Variants in LCORL observed in about 807,000 individuals in gnomAD.
The protein encoded by LCORL is ligand dependent nuclear receptor corepressor like.
In LCORL, 41 loss-of-function variants were observed where a neutral mutation model predicts 141.8. The ratio of observed to expected loss-of-function variants is 0.29; its 90% CI spans 0.23 to 0.38. The LOEUF is 0.38. Ranked by LOEUF, LCORL falls within the 10% of genes least tolerant of loss-of-function variation. LCORL has a pLI of 1.00. For missense variants in LCORL, 1,759 were observed against 2,035.0 expected, an observed-to-expected ratio of 0.86 and a Z score of 2.61; for synonymous variants, 618 against 694.1, an observed-to-expected ratio of 0.89 and a Z score of 1.72.
intron 4 of LCORL, among the ~76,000 whole-genome samples, chr4:17,949,140 T>A (rs569828638): frequency 2.0e-5 from 3 of 152,162 alleles, no homozygotes; most frequent in South Asian, 2.1e-4. Flanking sequence ...CTGACAACTC[T>A]AGAATCTTAT....
At chr4:17,901,085 T>C (rs1438151090) in intron 5 of LCORL, among the ~76,000 whole-genome samples, 1 of 152,110 alleles carries the variant, frequency 6.6e-6, no homozygotes, top group African/African-American at 2.4e-5. Flanking sequence ...AAAAATGTAA[T>C]TGCTACTTGG....
At chr4:17,926,216 C>A (rs1735117672) in intron 4 of LCORL, among the ~76,000 whole-genome samples, 1 of 152,014 alleles carries the variant, frequency 6.6e-6, no homozygotes, top group Non-Finnish European at 1.5e-5. Flanking sequence ...TTGAAGGATG[C>A]AAAGTATTGT....
chr4:17,928,486 G>A (rs1735509160), intron 4 of LCORL, among the ~76,000 whole-genome samples: 1 of 152,146 alleles, frequency 6.6e-6, no homozygotes, highest in Non-Finnish European at 1.5e-5. Flanking sequence ...CAGAACAAAA[G>A]CTACATAATC....
intron 4 of LCORL, among the ~76,000 whole-genome samples, chr4:17,946,141 C>T (rs1289029492): frequency 6.6e-6 from 1 of 151,882 alleles, no homozygotes; most frequent in Non-Finnish European, 1.5e-5. Flanking sequence ...GAAAACCCAC[C>T]TTAGAAACTA....
At chr4:17,842,123 A>C (rs1722469215) in exon 8 of LCORL, 2 of 532,954 alleles carry the variant, frequency 3.8e-6, no homozygotes, top group East Asian at 3.1e-5. Flanking sequence ...ATTAAGTTTT[A>C]ATCTTGCTTG....
At chr4:17,995,027 C>T (rs1331118671) in intron 1 of LCORL, among the ~76,000 whole-genome samples, 1 of 152,070 alleles carries the variant, frequency 6.6e-6, no homozygotes, top group Non-Finnish European at 1.5e-5. Flanking sequence ...TAAAAACTGC[C>T]TATTATTAAT....
At chr4:17,875,267 C>T (rs1192814708) in exon 7 of LCORL, 2 of 1,231,332 alleles carry the variant, frequency 1.6e-6, no homozygotes, top group African/African-American at 1.6e-5. Flanking sequence ...TACTTATTGC[C>T]AAAGGCTTCT....
chr4:17,890,199 G>C (rs1272319772), intron 5 of LCORL, among the ~76,000 whole-genome samples: 2 of 152,012 alleles, frequency 1.3e-5, no homozygotes, highest in African/African-American at 4.8e-5. Context: ...CAGAAGTGCT[G>C]AACAATAGAT....
At chr4:17,925,001 C>T (rs759382752) in intron 4 of LCORL, among the ~76,000 whole-genome samples, 2 of 152,144 alleles carry the variant, frequency 1.3e-5, no homozygotes, top group Non-Finnish European at 2.9e-5. Flanking sequence ...CACCATCACC[C>T]CTAGTGATCC....
intron 1 of LCORL, among the ~76,000 whole-genome samples, chr4:18,013,910 C>T (rs985222702): frequency 4.0e-5 from 6 of 151,862 alleles, no homozygotes; most frequent in African/African-American, 1.4e-4. Flanking sequence ...CGGGTTCAAG[C>T]GATTCTTGTG....
At chr4:17,880,598 GT>G (rs912095211) in intron 6 of LCORL, 21 of 973,190 alleles carry the variant, frequency 2.2e-5, no homozygotes, top group African/African-American at 1.8e-5. Context: ...AGTGTAGTCA[GT>G]TTTTTTCTTT....
chr4:17,925,560 T>A (rs1404333304), intron 4 of LCORL, among the ~76,000 whole-genome samples: 1 of 152,046 alleles, frequency 6.6e-6, no homozygotes, highest in Non-Finnish European at 1.5e-5. Flanking sequence ...TCATAAGCAT[T>A]TCCTCCTCAA....
chr4:17,953,638 T>TA (rs1346057331), intron 4 of LCORL, among the ~76,000 whole-genome samples: 9 of 152,318 alleles, frequency 5.9e-5, no homozygotes, highest in Non-Finnish European at 1.0e-4. Flanking sequence ...GTTACGTTTT[T>TA]AAAAAACCGT....
intron 7 of LCORL, among the ~76,000 whole-genome samples, chr4:17,866,620 G>A (rs1185129881): frequency 6.6e-6 from 1 of 151,896 alleles, no homozygotes; most frequent in Non-Finnish European, 1.5e-5. Context: ...GCCAAGGTCT[G>A]GTTTAAATAA....
chr4:17,999,504 C>A (rs1186469677), intron 1 of LCORL, among the ~76,000 whole-genome samples: 1 of 151,684 alleles, frequency 6.6e-6, no homozygotes, highest in African/African-American at 2.4e-5. Flanking sequence ...GTGATAGGAA[C>A]TTCCCAACTC....
At chr4:17,851,336 C>A (rs939349880) in intron 7 of LCORL, among the ~76,000 whole-genome samples, 6 of 151,994 alleles carry the variant, frequency 3.9e-5, no homozygotes, top group Non-Finnish European at 7.4e-5. Flanking sequence ...ATCGGTGCTC[C>A]AAGCCCCTCT....
chr4:17,901,822 T>C (rs573123127), intron 5 of LCORL, among the ~76,000 whole-genome samples: 39 of 151,816 alleles, frequency 2.6e-4, no homozygotes, highest in African/African-American at 8.2e-4. Context: ...GATAAGATGG[T>C]TGAAACAAAT....
intron 4 of LCORL, among the ~76,000 whole-genome samples, chr4:17,943,228 T>C (rs1045956439): frequency 2.0e-5 from 3 of 152,182 alleles, no homozygotes; most frequent in Non-Finnish European, 4.4e-5. Context: ...TAACAAGCAA[T>C]GTCCTCCTTG....
chr4:17,882,487 T>C (rs1028008011), intron 6 of LCORL: 2 of 984,028 alleles, frequency 2.0e-6, no homozygotes, highest in African/African-American at 3.5e-5. Flanking sequence ...CTCTTATGAG[T>C]CTAGTAAAAG....
Sources: gnomAD v4.1 joint callset for allele counts (sites outside exome capture counted in the v4.1 genomes callset) on GRCh38, gnomAD v4.1.1 for gene constraint, MANE v1.5 for transcripts, NCBI Gene and HGNC (gene_info 2026-07-23, HGNC 2026-07-21) for gene names.